Variants in ZNF185 observed in about 807,000 individuals in gnomAD.
ZNF185 encodes the protein zinc finger protein 185.
ZNF185 carries 56 observed loss-of-function variants against 58.6 expected under a neutral mutation model. The ratio of observed to expected loss-of-function variants is 0.95; its 90% CI spans 0.77 to 1.19. The LOEUF (loss-of-function observed/expected upper bound fraction) is 1.19. Ranked by LOEUF, ZNF185 falls within the 50% of genes most tolerant of loss-of-function variation. The pLI, the probability that ZNF185 is intolerant of heterozygous loss-of-function variation, is 0.00. For missense variants in ZNF185, 627 were observed against 573.5 expected (o/e 1.09, Z -0.95); for synonymous variants, 230 against 215.9 (o/e 1.07, Z -0.57).
intron 6 of ZNF185, among the ~76,000 whole-genome samples, chrX:152,918,658 A>G (rs1939039298): frequency 9.0e-6 from 1 of 111,113 alleles, no homozygotes; most frequent in South Asian, 3.8e-4. Flanking sequence ...AAAGCCCCCC[A>G]CCCCCCACTG....
chrX:152,921,135 T>C (rs1939623988), intron 9 of ZNF185, among the ~76,000 whole-genome samples: 1 of 111,746 alleles, frequency 8.9e-6, no homozygotes, highest in South Asian at 3.7e-4. Flanking sequence ...GACTGTGACA[T>C]TGGAGATGGG....
intron 18 of ZNF185, among the ~76,000 whole-genome samples, chrX:152,964,585 G>GA (rs1395961682): frequency 8.9e-5 from 10 of 111,767 alleles, no homozygotes; most frequent in African/African-American, 3.3e-4. Flanking sequence ...GTTCATGAGG[G>GA]ATCCCCCCAT....
At chrX:152,964,949 G>A (rs1556913358) in intron 18 of ZNF185, among the ~76,000 whole-genome samples, 1 of 111,888 alleles carries the variant, frequency 8.9e-6, no homozygotes, top group African/African-American at 3.3e-5. Flanking sequence ...CTGGACTCTA[G>A]GAGTGAGAAT....
intron 11 of ZNF185, among the ~76,000 whole-genome samples, chrX:152,923,728 C>T (rs781841074): frequency 1.8e-5 from 2 of 111,913 alleles, no homozygotes; most frequent in Admixed American, 9.5e-5. Flanking sequence ...GTTCACAATA[C>T]GGTTCGCGCT....
In ZNF185 at chrX:152,928,511, C is replaced by G; in HGVS notation, c.831-64C>G. On this transcript the variant is annotated intron_variant, in intron 11 of 22. Transcript: ENST00000449285. ...GGGTCTGGGCGGCCCACCGCACTCA[C>G]CAGCCCAAGAAGGGGGAGACTTTTC... 2.6e-6 allele frequency: 3 copies of G among 1,152,009 alleles called. No individual in the cohort carries two copies. The Admixed American group carries it at 6.6e-5, about 25-fold the overall frequency. The allele number at this position is 1,152,009 out of a possible 1,213,427, so 94.9% of individuals were successfully genotyped here. A position where few individuals can be genotyped will look rare whatever the true frequency, so the allele number is the denominator to read the frequency against.
chrX:152,959,759 C>A, exon 17 of ZNF185: 1 of 1,211,877 alleles, frequency 8.3e-7, no homozygotes, highest in Non-Finnish European at 1.1e-6. Context: ...CCTGGCAGGA[C>A]AGGCCTGGAG....
chrX:152,918,096 G>C, exon 6 of ZNF185: 1 of 1,193,163 alleles, frequency 8.4e-7, no homozygotes, highest in African/African-American at 1.7e-5. Flanking sequence ...AGCTAACGCT[G>C]GTCCTCCCCG....
the ZNF185 span, among the ~76,000 whole-genome samples, chrX:152,907,538 A>G: frequency 8.8e-6 from 1 of 113,185 alleles, no homozygotes; most frequent in African/African-American, 3.2e-5. Context: ...ACACTTCCTC[A>G]GATTGCCATC....
intron 14 of ZNF185, 67 bp from the exon 17 acceptor site, chrX:152,938,007 G>C: frequency 2.8e-6 from 3 of 1,056,105 alleles, no homozygotes; most frequent in South Asian, 4.1e-5. Context: ...GCAGCCTGGA[G>C]GGGGAAGACC....
intron 13 of ZNF185, 93 bp downstream of exon 14, chrX:152,931,869 C>A: frequency 1.3e-6 from 1 of 760,068 alleles, no homozygotes; most frequent in South Asian, 2.9e-5. Context: ...GGTGCAATGT[C>A]AATGGATGCA....
intron 15 of ZNF185, chrX:152,941,823 TC>T (rs1247421023): frequency 8.7e-7 from 1 of 1,155,827 alleles, no homozygotes; most frequent in East Asian, 3.3e-5. Flanking sequence ...GGCTGCCCCT[TC>T]CCCCGCGTAA....
chrX:152,915,895 G>A (rs1938362442), intron 3 of ZNF185, among the ~76,000 whole-genome samples: 1 of 112,046 alleles, frequency 8.9e-6, no homozygotes, highest in Non-Finnish European at 1.9e-5. Context: ...TCAGGGGGTG[G>A]TAGAGGCAGT....
chrX:152,917,226 C>G (rs2125303785), intron 4 of ZNF185, 57 bp downstream of exon 5: 1 of 1,211,061 alleles, frequency 8.3e-7, no homozygotes, highest in East Asian at 3.0e-5. Flanking sequence ...CAAGCCCTGA[C>G]TTCTTACCCC....
exon 23 of ZNF185, chrX:152,973,158 C>T (rs1242842903): frequency 8.9e-6 from 1 of 111,892 alleles, no homozygotes; most frequent in Admixed American, 9.5e-5. Flanking sequence ...GGTGCTATCC[C>T]TGAGTCTCAG....
intron 20 of ZNF185, 33 bp from the exon 23 acceptor site, chrX:152,969,349 C>T (rs377031486): frequency 1.7e-5 from 19 of 1,148,156 alleles, no homozygotes; most frequent in Non-Finnish European, 2.2e-5. Flanking sequence ...GTACACCAGC[C>T]TGACCACCGG....
chrX:152,931,574 G>C, intron 12 of ZNF185, 98 bp from the exon 14 acceptor site: 5 of 741,523 alleles, frequency 6.7e-6, no homozygotes, highest in Non-Finnish European at 1.9e-6. Context: ...CAGGTTTTAA[G>C]CTCCGTGGAG....
At chrX:152,927,129 C>T (rs781854094) in intron 11 of ZNF185, among the ~76,000 whole-genome samples, 94 of 112,592 alleles carry the variant, frequency 8.3e-4, no homozygotes, top group Non-Finnish European at 1.3e-3. Flanking sequence ...TTGTGCTTGC[C>T]TGTGACATCC....
chrX:152,898,265 G>A, the ZNF185 span, among the ~76,000 whole-genome samples: 1 of 112,203 alleles, frequency 8.9e-6, no homozygotes, highest in African/African-American at 3.2e-5. Context: ...GCCATTGGAT[G>A]CGGCCCTGCT....
rs148875104 is a variant in ZNF185, at chrX:152,922,356, G to A, written c.740+100G>A. ...TCAGGGCACCTCCATGCTGGGCTTC[G>A]AGATCAGTGTCCCCATGTGCCCAGT... On this transcript the variant is annotated intron_variant, in intron 10 of 22. Coordinates refer to ENST00000449285, the Ensembl canonical transcript of ZNF185. 8.0e-5 allele frequency: 64 copies of A among 799,661 alleles called. No individual in the cohort carries two copies. The African/African-American group carries it at 1.2e-3, about 15-fold the overall frequency. The allele number at this position is 799,661 out of a possible 1,213,427, so 65.9% of individuals were successfully genotyped here.
Sources: allele counts gnomAD v4.1 joint callset (sites outside exome capture counted in the v4.1 genomes callset), GRCh38; gene constraint gnomAD v4.1.1; transcripts MANE v1.5; gene names NCBI Gene and HGNC (gene_info 2026-07-23, HGNC 2026-07-21).